EPB41L3: variants seen among roughly 807,000 people sequenced by gnomAD.
EPB41L3 encodes the protein erythrocyte membrane protein band 4.1 like 3.
EPB41L3 carries 57 observed loss-of-function variants against 127.1 expected under a neutral mutation model. That is an observed-to-expected ratio of 0.45 (90% confidence interval 0.36 to 0.56). EPB41L3 has a LOEUF of 0.56. Ranked by LOEUF, EPB41L3 falls within the 20% of genes least tolerant of loss-of-function variation. The pLI is 0.00. For synonymous variants in EPB41L3, 572 were observed against 549.5 expected, an observed-to-expected ratio of 1.04 and a Z score of -0.57; for missense variants, 1,273 against 1,372.2, an observed-to-expected ratio of 0.93 and a Z score of 1.14.
chr18:5,449,692 T>C (rs980687361), intron 3 of EPB41L3, among the ~76,000 whole-genome samples: 2 of 152,182 alleles, frequency 1.3e-5, no homozygotes, highest in African/African-American at 4.8e-5. Flanking sequence ...CTTAAATGCA[T>C]ACTGCTAGGT....
At chr18:5,619,444 A>C (rs913589901) in intron 1 of EPB41L3, among the ~76,000 whole-genome samples, 5 of 152,176 alleles carry the variant, frequency 3.3e-5, no homozygotes. Context: ...TGGGTCAGAC[A>C]CTTTTTCCCA....
Position 5,398,022 on chromosome 18 carries a change from T to G in EPB41L3, c.2471A>C (p.Gln824Pro). The change falls in exon 17 of 23, where the codon CAG becomes CCG. Residue 824 changes from glutamine (Q) to proline (P), a missense_variant and splice_region_variant. Gln to Pro is a moderately conservative substitution (Grantham distance 76). This residue lies in a region of EPB41L3 where 765 missense variants were observed against 782.9 expected (regional missense o/e 0.98). Coordinates refer to ENST00000341928, the MANE Select transcript of EPB41L3 (RefSeq NM_012307.5). ...CCAAGGACGAAAACAAATGGCCACC[T>G]GAACCCAGCTTTGAGAAGTAGAAGT... ...GVTSTSQSWV[Q>P]KMETKTESSG... 1 of 1,614,096 alleles carries G rather than the reference T, an allele frequency of 6.2e-7. No individual in the cohort carries two copies. Among genetic ancestry groups the G allele is most frequent in the South Asian group, 1.1e-5 (1 of 91,080 alleles).
At position 5,415,911 on chromosome 18, in the gene EPB41L3, G is replaced by A. The variant is rs2076743903; in HGVS notation, c.1974C>T (p.Phe658=). The A allele has an allele frequency of 6.2e-7, 1 of 1,614,058 alleles. No homozygotes were observed. The highest frequency in any genetic ancestry group is 8.5e-7 in the Non-Finnish European group (1 of 1,180,022). ...GGTAGCAGAGGCACAGAGCCAGAGG[G>A]AAGGAGAGAGTGAGAGCGTATGGCA... ...FSVPYALTLS[F]PLALCLCYLE... The change falls in exon 13 of 23, where the codon TTC becomes TTT. Residue 658 remains phenylalanine (F), a synonymous_variant. Coordinates refer to ENST00000341928, the MANE Select transcript of EPB41L3 (RefSeq NM_012307.5).
chr18:5,512,921 G>A (rs541025357), intron 1 of EPB41L3, among the ~76,000 whole-genome samples: 10 of 152,282 alleles, frequency 6.6e-5, no homozygotes, highest in African/African-American at 2.4e-4. Flanking sequence ...ATATGTAAAT[G>A]CTGGATCCAC....
chr18:5,466,598 T>C (rs1343516227), intron 3 of EPB41L3, among the ~76,000 whole-genome samples: 4 of 152,208 alleles, frequency 2.6e-5, no homozygotes, highest in Non-Finnish European at 5.9e-5. Flanking sequence ...AGACTTTGTG[T>C]TCTCCTTCAA....
intron 3 of EPB41L3, chr18:5,577,476 C>T (rs767907070): frequency 4.3e-5 from 15 of 352,168 alleles, no homozygotes; most frequent in South Asian, 2.4e-4. Flanking sequence ...AGAAAGATCC[C>T]GGAAAGGTAA....
At chr18:5,503,648 T>C (rs900687506) in intron 1 of EPB41L3, among the ~76,000 whole-genome samples, 3 of 152,238 alleles carry the variant, frequency 2.0e-5, no homozygotes, top group Non-Finnish European at 2.9e-5. Flanking sequence ...ACTGAATAGC[T>C]GCATTTGAAG....
chr18:5,598,857 A>G (rs946963323), intron 3 of EPB41L3, among the ~76,000 whole-genome samples: 16 of 152,226 alleles, frequency 1.1e-4, no homozygotes, highest in Non-Finnish European at 1.9e-4. Context: ...GGATCATTAA[A>G]AATACACTTG....
At chr18:5,620,648 A>T (rs1260073457) in intron 1 of EPB41L3, among the ~76,000 whole-genome samples, 1 of 152,226 alleles carries the variant, frequency 6.6e-6, no homozygotes. Context: ...TTTGTGAAAG[A>T]AAGTATCTAC....
chr18:5,599,634 T>C (rs1599221320), intron 3 of EPB41L3, among the ~76,000 whole-genome samples: 1 of 152,150 alleles, frequency 6.6e-6, no homozygotes, highest in Admixed American at 6.6e-5. Context: ...TGAAAGTATG[T>C]TGCACCTTCC....
At position 5,395,091 on chromosome 18, in the gene EPB41L3, C is replaced by T. The variant is rs1378873814; in HGVS notation, c.3129G>A (p.Gly1043=). 7.4e-6 allele frequency: 12 copies of T among 1,613,988 alleles called. No homozygotes were observed. The highest frequency in any genetic ancestry group is 9.3e-6 in the Non-Finnish European group (11 of 1,180,032). The change falls in exon 21 of 23, where the codon GGG becomes GGA. Residue 1043 remains glycine (G), a synonymous_variant. Coordinates refer to ENST00000341928, the MANE Select transcript of EPB41L3 (RefSeq NM_012307.5). The part of the protein sequence containing the change: ...TRIEKRIVIT[G]DADIDHDQAL... Reference sequence around the variant, plus strand: ...CCTGGTCATGGTCAATGTCTGCATCCCCCGTGATGACTATTCGCTTCTCAA... The same window carrying T: ...CCTGGTCATGGTCAATGTCTGCATCTCCCGTGATGACTATTCGCTTCTCAA...
chr18:5,602,314 A>G (rs1236488966), intron 3 of EPB41L3, among the ~76,000 whole-genome samples: 4 of 152,214 alleles, frequency 2.6e-5, no homozygotes, highest in African/African-American at 9.6e-5. Flanking sequence ...AAGCTTATAT[A>G]CAAATTGTTT....
chr18:5,445,373 T>C (rs2081326134), intron 3 of EPB41L3, 129 bp from the exon 4 acceptor site: 2 of 715,024 alleles, frequency 2.8e-6, no homozygotes, highest in Non-Finnish European at 4.6e-6. Flanking sequence ...AACAGTGTGA[T>C]CACATTGCCA....
At chr18:5,415,741 G>T in intron 13 of EPB41L3, 77 bp downstream of exon 13, 1 of 1,409,904 alleles carries the variant, frequency 7.1e-7, no homozygotes, top group Non-Finnish European at 9.7e-7. Flanking sequence ...GACCACTATG[G>T]CAGCAGCCAG....
chr18:5,578,860 T>C (rs2094362817), intron 3 of EPB41L3, among the ~76,000 whole-genome samples: 1 of 152,194 alleles, frequency 6.6e-6, no homozygotes, highest in Non-Finnish European at 1.5e-5. Context: ...TGGTACTGTC[T>C]CCTGATGTTG....
intron 1 of EPB41L3, among the ~76,000 whole-genome samples, chr18:5,495,471 C>T (rs1444368150): frequency 3.3e-5 from 5 of 150,814 alleles, no homozygotes; most frequent in Non-Finnish European, 5.9e-5. Flanking sequence ...AAGGAATGCA[C>T]ATTCAGACAG....
At chr18:5,463,189 C>T (rs566055995) in intron 3 of EPB41L3, among the ~76,000 whole-genome samples, 52 of 152,288 alleles carry the variant, frequency 3.4e-4, no homozygotes, top group Non-Finnish European at 6.6e-4. Context: ...GACTAGTGTC[C>T]CTGTTCTATT....
chr18:5,531,209 G>A (rs2093401257), intron 1 of EPB41L3, among the ~76,000 whole-genome samples: 1 of 152,214 alleles, frequency 6.6e-6, no homozygotes, highest in Admixed American at 6.5e-5. Context: ...TCACTGATGT[G>A]TTTTAGTCAA....
At chr18:5,556,281 TTC>T (rs2094034547) in intron 3 of EPB41L3, among the ~76,000 whole-genome samples, 1 of 152,226 alleles carries the variant, frequency 6.6e-6, no homozygotes, top group Non-Finnish European at 1.5e-5. Context: ...AACAAGGCTT[TTC>T]AGATCTTGGA....
Sources: allele counts gnomAD v4.1 joint callset (sites outside exome capture counted in the v4.1 genomes callset), GRCh38; gene constraint gnomAD v4.1.1; regional missense constraint gnomAD v4.1.1; transcripts MANE v1.5; gene names NCBI Gene and HGNC (gene_info 2026-07-23, HGNC 2026-07-21).